The following RANBP2 variants were observed in gnomAD, a reference collection of about 807,000 sequenced individuals.
RANBP2 encodes E3 SUMO-protein ligase RanBP2.
Under a neutral mutation model 303.6 loss-of-function variants are expected in RANBP2, and 57 were observed. That is an observed-to-expected ratio of 0.19 (90% CI 0.15 to 0.23). The LOEUF (loss-of-function observed/expected upper bound fraction) is 0.23. Ranked by LOEUF, RANBP2 falls within the 10% of genes least tolerant of loss-of-function variation. RANBP2 has a pLI of 1.00. For synonymous variants in RANBP2, 1,167 were observed against 1,301.5 expected (o/e 0.90, Z 2.23); for missense variants, 3,138 against 3,780.8 (o/e 0.83, Z 4.46).
the RANBP2 span, among the ~76,000 whole-genome samples, chr2:109,116,648 G>A: frequency 2.6e-5 from 4 of 152,188 alleles, no homozygotes; most frequent in South Asian, 2.1e-4. Flanking sequence ...GTCATTCTCC[G>A]TCCAGCTTTG....
At chr2:109,060,897 T>C in the RANBP2 span, among the ~76,000 whole-genome samples, 1 of 152,230 alleles carries the variant, frequency 6.6e-6, no homozygotes, top group Non-Finnish European at 1.5e-5. Context: ...ATGCTTATTA[T>C]AGAAAATTTA....
chr2:108,751,757 G>A, intron 11 of RANBP2, 54 bp downstream of exon 11: 2 of 1,611,792 alleles, frequency 1.2e-6, no homozygotes, highest in Non-Finnish European at 1.7e-6. Flanking sequence ...TTTTACCGGG[G>A]ATTTAATCCT....
chr2:109,471,720 G>A, the RANBP2 span, among the ~76,000 whole-genome samples: 105 of 152,312 alleles, frequency 6.9e-4, 2 homozygotes, highest in Middle Eastern at 0.02. Context: ...CCCCCTTGCT[G>A]TCTCAGCCTC....
At chr2:108,994,794 TTATATATATA>T in the RANBP2 span, among the ~76,000 whole-genome samples, 321 of 114,820 alleles carry the variant, frequency 2.8e-3, 14 homozygotes, top group Middle Eastern at 0.019. Context: ...GTGCATTGGG[TTATATATATA>T]TATATATATA....
chr2:109,681,347 T>C, the RANBP2 span, among the ~76,000 whole-genome samples: 1 of 152,250 alleles, frequency 6.6e-6, no homozygotes, highest in Non-Finnish European at 1.5e-5. Flanking sequence ...CGCATGCCTG[T>C]ACCTTGTGAA....
chr2:109,305,502 C>A, the RANBP2 span, among the ~76,000 whole-genome samples: 1 of 152,178 alleles, frequency 6.6e-6, no homozygotes, highest in Non-Finnish European at 1.5e-5. Flanking sequence ...TCTGGTCTCT[C>A]CACCTTACTT....
the RANBP2 span, among the ~76,000 whole-genome samples, chr2:109,134,377 A>T: frequency 1.3e-5 from 2 of 152,160 alleles, no homozygotes; most frequent in African/African-American, 2.4e-5. Flanking sequence ...ACAGCTCACA[A>T]GAGACCAAAC....
the RANBP2 span, among the ~76,000 whole-genome samples, chr2:109,315,412 A>G: frequency 1.3e-5 from 2 of 152,226 alleles, no homozygotes; most frequent in Admixed American, 6.5e-5. Flanking sequence ...CTCTGTCCCT[A>G]TCTCTGTAGG....
chr2:109,050,441 T>TGG, the RANBP2 span, among the ~76,000 whole-genome samples: 16 of 151,708 alleles, frequency 1.1e-4, no homozygotes, highest in African/African-American at 2.2e-4. Flanking sequence ...TTTGTAGAGA[T>TGG]GGGGGGTCTC....
the RANBP2 span, among the ~76,000 whole-genome samples, chr2:109,248,758 C>T: frequency 1.3e-5 from 2 of 151,140 alleles, no homozygotes; most frequent in African/African-American, 4.9e-5. Flanking sequence ...CCTTCCTTCT[C>T]TCTCTCTCTC....
the RANBP2 span, among the ~76,000 whole-genome samples, chr2:109,019,615 GT>G: frequency 3.3e-5 from 5 of 152,150 alleles, no homozygotes; most frequent in Non-Finnish European, 2.9e-5. Flanking sequence ...CTTAAGATTG[GT>G]TTAGTTCAGT....
At chr2:108,890,446 T>C in the RANBP2 span, among the ~76,000 whole-genome samples, 1 of 152,114 alleles carries the variant, frequency 6.6e-6, no homozygotes, top group East Asian at 1.9e-4. Flanking sequence ...GGTTTTGCCA[T>C]GTTGCCCAGG....
At chr2:109,526,918 T>C in the RANBP2 span, among the ~76,000 whole-genome samples, 1 of 152,168 alleles carries the variant, frequency 6.6e-6, no homozygotes, top group Non-Finnish European at 1.5e-5. Flanking sequence ...TGTTCGACTC[T>C]AGCACGAGGC....
the RANBP2 span, among the ~76,000 whole-genome samples, chr2:109,067,463 A>G: frequency 6.6e-6 from 1 of 152,126 alleles, no homozygotes; most frequent in Non-Finnish European, 1.5e-5. Flanking sequence ...GCGGAGGTGC[A>G]GGGGCCATGC....
the RANBP2 span, chr2:108,929,191 T>C: frequency 1.9e-6 from 3 of 1,613,748 alleles, no homozygotes; most frequent in Non-Finnish European, 2.5e-6. Flanking sequence ...GGAGGGCCTG[T>C]GCTTACCCAG....
At position 108,784,726 on chromosome 2, in the gene RANBP2, A is replaced by C. The variant is rs1179563384; in HGVS notation, c.*825A>C. Reference sequence around the variant, plus strand: ...TTCTTTCGTTAAAGATTTGCTTTATACAAGATTGTTGCAGTACCTTTTTCT... The same window carrying C: ...TTCTTTCGTTAAAGATTTGCTTTATCCAAGATTGTTGCAGTACCTTTTTCT... On this transcript the variant is annotated 3_prime_UTR_variant, in exon 29 of 29. Transcript: ENST00000283195. 6.6e-6 allele frequency: 1 copy of C among 152,662 alleles called. No homozygotes were observed. Among genetic ancestry groups the C allele is most frequent in the Middle Eastern group, 3.2e-3 (1 of 316 alleles). 9.5% of individuals were successfully genotyped at this position (152,662 alleles called of 1,614,324 possible).
At chr2:108,809,480 G>T in the RANBP2 span, among the ~76,000 whole-genome samples, 1,192 of 150,438 alleles carry the variant, frequency 7.9e-3, 22 homozygotes, top group African/African-American at 0.027. Flanking sequence ...GTGTGTGTGT[G>T]TGTGTGTGAT....
chr2:109,248,279 A>T, the RANBP2 span, among the ~76,000 whole-genome samples: 1 of 151,920 alleles, frequency 6.6e-6, no homozygotes, highest in Non-Finnish European at 1.5e-5. Flanking sequence ...TTCTTTTCTG[A>T]TGTGCTCATT....
chr2:109,680,278 C>T, the RANBP2 span, among the ~76,000 whole-genome samples: 4 of 151,278 alleles, frequency 2.6e-5, no homozygotes, highest in South Asian at 2.1e-4. Context: ...GTGTAAACCC[C>T]GGAGGCGGAG....
Sources: gnomAD v4.1 joint callset for allele counts (sites outside exome capture counted in the v4.1 genomes callset) on GRCh38, gnomAD v4.1.1 for gene constraint, MANE v1.5 for transcripts, NCBI Gene and HGNC (gene_info 2026-07-23, HGNC 2026-07-21) for gene names.